The following PLCL1 variants were observed in gnomAD, a reference collection of about 807,000 sequenced individuals.
PLCL1 encodes inactive phospholipase C-like protein 1.
A neutral mutation model predicts 84.4 loss-of-function variants in PLCL1; 41 were observed. The observed-to-expected ratio is 0.49, with a 90% CI of 0.38 to 0.63. The LOEUF is 0.63. PLCL1 is among the 30% of genes least tolerant of loss of function. The pLI, the probability that PLCL1 is intolerant of heterozygous loss-of-function variation, is 0.00. For missense variants in PLCL1, 1,206 were observed against 1,367.8 expected (o/e 0.88, Z 1.87); for synonymous variants, 490 against 488.3 (o/e 1.00, Z -0.05).
intron 1 of PLCL1, among the ~76,000 whole-genome samples, chr2:197,820,367 G>C (rs1690792176): frequency 6.6e-6 from 1 of 152,088 alleles, no homozygotes; most frequent in Non-Finnish European, 1.5e-5. Context: ...GTGTTCCTCT[G>C]TGCATTGTCA....
rs770006380 is a variant in PLCL1, at chr2:198,084,464, T to C, written c.947T>C (p.Val316Ala). Reference sequence around the variant, plus strand: ...TGTGAACTTTGCACCAGGCCAGAAGTGTATTTCTTACTTGTACAGATATCT... The same window carrying C: ...TGTGAACTTTGCACCAGGCCAGAAGCGTATTTCTTACTTGTACAGATATCT... ...AFCELCTRPE[V>A]YFLLVQISKN... Residue 316 changes from valine (V) to alanine (A), a missense_variant, in exon 2 of 6, where the codon GTG (valine) becomes GCG (alanine). Val to Ala is a moderately conservative substitution (Grantham distance 64, BLOSUM62 0). Transcript: ENST00000428675. 35 of 1,613,880 alleles carry C rather than the reference T, an allele frequency of 2.2e-5. No homozygotes were observed. The highest frequency in any genetic ancestry group is 1.6e-4 in the Middle Eastern group (1 of 6,082).
intron 1 of PLCL1, among the ~76,000 whole-genome samples, chr2:197,807,952 C>T (rs1402927110): frequency 6.6e-6 from 1 of 151,990 alleles, no homozygotes; most frequent in Non-Finnish European, 1.5e-5. Flanking sequence ...GTAAATTTGC[C>T]CTCCATAATT....
At chr2:198,077,382 C>T (rs1455771359) in intron 1 of PLCL1, among the ~76,000 whole-genome samples, 2 of 152,132 alleles carry the variant, frequency 1.3e-5, no homozygotes, top group African/African-American at 2.4e-5. Flanking sequence ...AAGACATTCT[C>T]TTGCCCAAGT....
chr2:198,077,263 A>G (rs1692598194), intron 1 of PLCL1, among the ~76,000 whole-genome samples: 3 of 152,198 alleles, frequency 2.0e-5, no homozygotes, highest in Non-Finnish European at 4.4e-5. Context: ...AAGGAACACC[A>G]TCATGGCACA....
intron 1 of PLCL1, among the ~76,000 whole-genome samples, chr2:197,881,630 G>A (rs1472020282): frequency 6.6e-6 from 1 of 151,918 alleles, no homozygotes; most frequent in Non-Finnish European, 1.5e-5. Flanking sequence ...GCTAAGATTG[G>A]GATTTATAAC....
intron 1 of PLCL1, among the ~76,000 whole-genome samples, chr2:198,003,409 C>T (rs1340169031): frequency 2.0e-5 from 3 of 152,124 alleles, no homozygotes; most frequent in African/African-American, 7.2e-5. Flanking sequence ...AGAGATGCTC[C>T]TTATGGAACC....
At chr2:198,125,307 T>G (rs1281241400) in intron 5 of PLCL1, among the ~76,000 whole-genome samples, 1 of 152,046 alleles carries the variant, frequency 6.6e-6, no homozygotes, top group African/African-American at 2.4e-5. Flanking sequence ...GTATTGGGGT[T>G]TTGCATTTTG....
chr2:198,056,045 T>A (rs962736356), intron 1 of PLCL1, among the ~76,000 whole-genome samples: 1 of 152,190 alleles, frequency 6.6e-6, no homozygotes, highest in Admixed American at 6.5e-5. Flanking sequence ...ATTTCCACAA[T>A]TTCTTGGCTT....
chr2:197,953,902 T>A (rs35730302), intron 1 of PLCL1, among the ~76,000 whole-genome samples: 108,927 of 151,456 alleles, frequency 0.72, 40,106 homozygotes, highest in African/African-American at 0.87. Context: ...TCCTGAGTAG[T>A]CACCAATGCC....
chr2:198,086,437 A>G (rs1318468214), intron 2 of PLCL1, among the ~76,000 whole-genome samples: 1 of 152,154 alleles, frequency 6.6e-6, no homozygotes, highest in Non-Finnish European at 1.5e-5. Context: ...CTTGGGAAAC[A>G]TGGTGAAACC....
At chr2:197,907,886 A>T (rs1688414740) in intron 1 of PLCL1, among the ~76,000 whole-genome samples, 1 of 152,186 alleles carries the variant, frequency 6.6e-6, no homozygotes, top group Non-Finnish European at 1.5e-5. Flanking sequence ...GCACAGCTTG[A>T]GAATATTAAA....
At chr2:198,017,238 C>T (rs1452497772) in intron 1 of PLCL1, among the ~76,000 whole-genome samples, 1 of 152,164 alleles carries the variant, frequency 6.6e-6, no homozygotes, top group Admixed American at 6.6e-5. Context: ...GACATGGGGC[C>T]AAGACCTTGG....
chr2:198,002,986 T>G (rs1394674871), intron 1 of PLCL1, among the ~76,000 whole-genome samples: 1 of 152,192 alleles, frequency 6.6e-6, no homozygotes, highest in Non-Finnish European at 1.5e-5. Context: ...ATGTTACCAT[T>G]TCTAAGCAAT....
intron 1 of PLCL1, among the ~76,000 whole-genome samples, chr2:197,984,938 G>GT (rs879320482): frequency 0.011 from 1,610 of 145,236 alleles, 23 homozygotes; most frequent in African/African-American, 0.035. Flanking sequence ...TTTCATTATG[G>GT]TTTTTTTTTT....
At chr2:197,909,315 CT>C (rs1688441055) in intron 1 of PLCL1, among the ~76,000 whole-genome samples, 1 of 151,614 alleles carries the variant, frequency 6.6e-6, no homozygotes. Flanking sequence ...TTCCTGCTTT[CT>C]TTTCTTTTTC....
Position 198,146,858 on chromosome 2 carries a change from T to C in PLCL1, c.3184T>C (p.Cys1062Arg), listed in dbSNP as rs751616679. ...GCAGATCCAGCTGGCATGCCTGTCC[T>C]GTGGACTGAGTAAAGCCCCCAGCAG... ...MKQIQLACLS[C>R]GLSKAPSSSA... The change falls in exon 6 of 6, where the codon TGT becomes CGT. Residue 1062 changes from cysteine to arginine, a missense_variant. Transcript: ENST00000428675. 1 of 1,613,636 alleles carries C rather than the reference T, an allele frequency of 6.2e-7. No individual in the cohort carries two copies. The highest frequency in any genetic ancestry group is 8.5e-7 in the Non-Finnish European group (1 of 1,179,738).
intron 3 of PLCL1, among the ~76,000 whole-genome samples, chr2:198,096,613 C>T (rs1388731349): frequency 6.6e-6 from 1 of 152,022 alleles, no homozygotes; most frequent in African/African-American, 2.4e-5. Context: ...TTCTGTGCTA[C>T]CTTATTTAAC....
At chr2:198,134,842 A>G (rs955893584) in intron 5 of PLCL1, among the ~76,000 whole-genome samples, 2 of 152,198 alleles carry the variant, frequency 1.3e-5, no homozygotes, top group Non-Finnish European at 2.9e-5. Flanking sequence ...GTGGTGAAGC[A>G]GCTGAAGCCA....
At chr2:197,846,338 C>T (rs765660228) in intron 1 of PLCL1, among the ~76,000 whole-genome samples, 4 of 152,000 alleles carry the variant, frequency 2.6e-5, no homozygotes, top group South Asian at 4.1e-4. Flanking sequence ...TCATTATAAT[C>T]GCAAAGGCAA....
Sources: allele counts gnomAD v4.1 joint callset (sites outside exome capture counted in the v4.1 genomes callset), GRCh38; gene constraint gnomAD v4.1.1; transcripts MANE v1.5; gene names NCBI Gene and HGNC (gene_info 2026-07-23, HGNC 2026-07-21).